Variants in NOC3L observed in about 807,000 individuals in gnomAD.
NOC3L encodes nucleolar complex protein 3 homolog.
NOC3L carries 85 observed loss-of-function variants against 102.5 expected under a neutral mutation model. The observed-to-expected ratio is 0.83, with a 90% CI of 0.70 to 0.99. The LOEUF is 0.99. Among genes scored for constraint, NOC3L ranks in the 50% least tolerant of loss-of-function variants. The pLI is 0.00. For missense variants in NOC3L, 878 were observed against 914.9 expected, an observed-to-expected ratio of 0.96 and a Z score of 0.52; for synonymous variants, 303 against 309.4, an observed-to-expected ratio of 0.98 and a Z score of 0.22.
chr10:94,362,008 C>G (rs2054557158), intron 1 of NOC3L, 136 bp from the exon 2 acceptor site: 1 of 742,988 alleles, frequency 1.3e-6, no homozygotes, highest in Non-Finnish European at 2.3e-6. Flanking sequence ...CATATAAAAG[C>G]TAAAACCAAA....
intron 12 of NOC3L, among the ~76,000 whole-genome samples, 165 bp downstream of exon 12, chr10:94,344,687 TA>T (rs1429346687): frequency 2.0e-5 from 3 of 152,164 alleles, no homozygotes; most frequent in Admixed American, 6.5e-5. Flanking sequence ...TGTGACTGCA[TA>T]AAACTAGCAC....
chr10:94,338,658 C>G lies in NOC3L; in HGVS notation c.2041G>C (p.Glu681Gln), dbSNP rs1468188647. The change falls in exon 18 of 21, where the codon GAG becomes CAG. Residue 681 changes from glutamate (E) to glutamine (Q), a missense_variant. Physicochemically the swap from Glu to Gln is conservative, Grantham distance 29. Transcript: ENST00000371361. ...GVFLPELDEP[E>Q]YCNAQNTALW... is the part of the protein sequence containing the mutation. ...GCAGTGTTCTGAGCATTGCAGTACT[C>G]AGGCTCATCCAGTTCAGGAAGGAAA... is the stretch of plus-strand genomic sequence containing the variant. 6.2e-7 allele frequency: 1 copy of G among 1,613,080 alleles called. No homozygotes were observed. The highest frequency in any genetic ancestry group is 1.7e-5 in the Admixed American group (1 of 60,002).
At chr10:94,356,110 T>C (rs1226735132) in intron 5 of NOC3L, among the ~76,000 whole-genome samples, 4 of 152,216 alleles carry the variant, frequency 2.6e-5, no homozygotes, top group African/African-American at 4.8e-5. Context: ...TCCTAGGTAA[T>C]AGAAACTGAC....
chr10:94,341,638 TTA>T, intron 14 of NOC3L, 33 bp downstream of exon 14: 1 of 1,158,902 alleles, frequency 8.6e-7, no homozygotes, highest in Non-Finnish European at 1.2e-6. Context: ...TAATTACCAT[TTA>T]TATCTTTTAA....
At chr10:94,330,668 G>C (rs1038021107), downstream of NOC3L, 5 of 150,454 alleles carry the variant, frequency 3.3e-5, no homozygotes, top group African/African-American at 4.9e-5. Context: ...CTCCAGCCTG[G>C]GTACAAGAGT....
chr10:94,359,556 A>G (rs2054529293), intron 2 of NOC3L, among the ~76,000 whole-genome samples: 1 of 152,252 alleles, frequency 6.6e-6, no homozygotes, highest in African/African-American at 2.4e-5. Context: ...AAATTTAATA[A>G]TCCCATTAAA....
chr10:94,342,169 C>T (rs532941948), intron 13 of NOC3L, among the ~76,000 whole-genome samples: 1 of 152,256 alleles, frequency 6.6e-6, no homozygotes, highest in South Asian at 2.1e-4. Flanking sequence ...GGAAAGAATA[C>T]TGGACCCCAG....
At chr10:94,339,714 T>G in intron 17 of NOC3L, 25 bp downstream of exon 17, 1 of 1,585,724 alleles carries the variant, frequency 6.3e-7, no homozygotes, top group Non-Finnish European at 8.6e-7. Flanking sequence ...AGAACTTAGC[T>G]CTGTTCATTT....
chr10:94,324,064 A>G, the NOC3L span, among the ~76,000 whole-genome samples: 1 of 152,214 alleles, frequency 6.6e-6, no homozygotes, highest in Non-Finnish European at 1.5e-5. Context: ...ATAGCTGTAT[A>G]TATCCTGGAA....
At chr10:94,330,496 C>A (rs2054146216), downstream of NOC3L, 1 of 151,974 alleles carries the variant, frequency 6.6e-6, no homozygotes, top group Non-Finnish European at 1.5e-5. Context: ...CATGGTGAAA[C>A]CCGTCTCTAC....
intron 17 of NOC3L, among the ~76,000 whole-genome samples, 194 bp downstream of exon 17, chr10:94,339,545 G>A (rs1023035367): frequency 6.6e-6 from 1 of 152,092 alleles, no homozygotes; most frequent in African/African-American, 2.4e-5. Context: ...CCCACCTAAT[G>A]ACACTGAGAA....
intron 9 of NOC3L, 85 bp downstream of exon 9, chr10:94,350,028 G>A: frequency 7.5e-7 from 1 of 1,324,526 alleles, no homozygotes; most frequent in Non-Finnish European, 1.1e-6. Context: ...AAAGTGCTGG[G>A]ATTACAGGTG....
At chr10:94,352,534 C>T (rs572219370) in intron 7 of NOC3L, 131 bp from the exon 8 acceptor site, 618 of 641,908 alleles carry the variant, frequency 9.6e-4, no homozygotes, top group Non-Finnish European at 1.5e-3. Context: ...ACGCGGCAGT[C>T]GTTTAGGCCA....
chr10:94,340,017 C>G lies in NOC3L; in HGVS notation c.1781-97G>C, dbSNP rs1024383766. Reference sequence around the variant, plus strand: ...ATAAACCCAAGATAAACTTTTGTACCTGTCCCAAACCATTTCTCTAATCAA... The same window carrying G: ...ATAAACCCAAGATAAACTTTTGTACGTGTCCCAAACCATTTCTCTAATCAA... On this transcript the variant is annotated intron_variant, in intron 16 of 20. Coordinates refer to ENST00000371361, the MANE Select transcript of NOC3L (RefSeq NM_022451.11). 4.7e-6 allele frequency: 5 copies of G among 1,062,738 alleles called. No homozygotes were observed. In the Admixed American group the frequency reaches 1.2e-4, roughly 26 times the overall value. 65.8% of individuals were successfully genotyped at this position (1,062,738 alleles called of 1,614,324 possible).
At chr10:94,316,879 A>T in the NOC3L span, 1 of 734,186 alleles carries the variant, frequency 1.4e-6, no homozygotes. Flanking sequence ...ATTCTTCTTA[A>T]GTAAATGTGG....
At chr10:94,351,251 A>C (rs1160278601) in intron 8 of NOC3L, among the ~76,000 whole-genome samples, 1 of 149,980 alleles carries the variant, frequency 6.7e-6, no homozygotes, top group South Asian at 2.1e-4. Flanking sequence ...ACCCCACTAT[A>C]CTCCACTACC....
At chr10:94,316,724 A>C in the NOC3L span, 1 of 1,614,014 alleles carries the variant, frequency 6.2e-7, no homozygotes. Context: ...AGAGGGATAC[A>C]TGGGCAGGAT....
chr10:94,316,574 C>A, the NOC3L span: 1 of 1,608,178 alleles, frequency 6.2e-7, no homozygotes, highest in Non-Finnish European at 8.5e-7. Flanking sequence ...AGACATCAAA[C>A]CTGTTACCAC....
intron 2 of NOC3L, among the ~76,000 whole-genome samples, chr10:94,358,949 A>G (rs956611936): frequency 6.6e-6 from 1 of 152,102 alleles, no homozygotes; most frequent in African/African-American, 2.4e-5. Flanking sequence ...AGATCATTCT[A>G]ACTTCTCTTT....
Sources: gnomAD v4.1 joint callset for allele counts (sites outside exome capture counted in the v4.1 genomes callset) on GRCh38, gnomAD v4.1.1 for gene constraint, MANE v1.5 for transcripts, NCBI Gene and HGNC (gene_info 2026-07-23, HGNC 2026-07-21) for gene names.